CELF4: variants seen among roughly 807,000 people sequenced by gnomAD.
The protein encoded by CELF4 is CUGBP Elav-like family member 4.
A neutral mutation model predicts 59.9 loss-of-function variants in CELF4; 18 were observed. The ratio of observed to expected loss-of-function variants is 0.30; its 90% CI spans 0.21 to 0.45. The LOEUF is 0.45. Among genes scored for constraint, CELF4 ranks in the 20% least tolerant of loss-of-function variants. The pLI, the probability that CELF4 is intolerant of heterozygous loss-of-function variation, is 1.00. For missense variants in CELF4, 456 were observed against 689.0 expected, an observed-to-expected ratio of 0.66 and a Z score of 3.79; for synonymous variants, 261 against 267.1, an observed-to-expected ratio of 0.98 and a Z score of 0.22.
intron 5 of CELF4, 78 bp downstream of exon 5, chr18:37,274,727 C>G (rs1227050229): frequency 7.9e-6 from 12 of 1,522,336 alleles, no homozygotes; most frequent in African/African-American, 1.4e-5. Flanking sequence ...GGAGACTGGA[C>G]AGCCGGCGGG....
chr18:37,260,201 C>A (rs1600726518), intron 10 of CELF4, among the ~76,000 whole-genome samples: 1 of 152,366 alleles, frequency 6.6e-6, no homozygotes, highest in East Asian at 1.9e-4. Flanking sequence ...AGAGTGAATT[C>A]TTTCCCTCTT....
intron 1 of CELF4, among the ~76,000 whole-genome samples, chr18:37,558,565 T>TGGC (rs1555671373): frequency 1.3e-4 from 10 of 77,500 alleles, no homozygotes; most frequent in African/African-American, 5.7e-4. Flanking sequence ...GGGGGGCGGG[T>TGGC]GGGGGGGGCT....
At chr18:37,372,211 G>A (rs1417955671) in intron 2 of CELF4, among the ~76,000 whole-genome samples, 2 of 152,192 alleles carry the variant, frequency 1.3e-5, no homozygotes, top group East Asian at 3.8e-4. Context: ...ATTCACAATA[G>A]CAAAGACTTG....
chr18:37,375,238 A>C (rs2098954281), intron 2 of CELF4, among the ~76,000 whole-genome samples: 1 of 152,210 alleles, frequency 6.6e-6, no homozygotes, highest in African/African-American at 2.4e-5. Flanking sequence ...CTGCCTGGCA[A>C]ACAAATGAAT....
intron 2 of CELF4, among the ~76,000 whole-genome samples, chr18:37,456,458 C>T (rs2099778607): frequency 6.6e-6 from 1 of 152,128 alleles, no homozygotes; most frequent in Non-Finnish European, 1.5e-5. Flanking sequence ...CCTGCCTTGT[C>T]CTGCTCCGTC....
intron 10 of CELF4, among the ~76,000 whole-genome samples, chr18:37,259,782 C>A (rs1047021752): frequency 6.6e-6 from 1 of 152,188 alleles, no homozygotes; most frequent in Non-Finnish European, 1.5e-5. Flanking sequence ...CCCTGGCCTG[C>A]AGCCTCTCTT....
At chr18:37,532,330 G>A (rs192060746) in intron 1 of CELF4, among the ~76,000 whole-genome samples, 5 of 152,194 alleles carry the variant, frequency 3.3e-5, no homozygotes, top group Admixed American at 2.6e-4. Flanking sequence ...GGGGAAATAC[G>A]GCTTTGTACT....
intron 2 of CELF4, among the ~76,000 whole-genome samples, chr18:37,435,789 G>C (rs2099689670): frequency 6.6e-6 from 1 of 152,176 alleles, no homozygotes; most frequent in Admixed American, 6.5e-5. Context: ...GCCCACCCTA[G>C]CGTGTCTTCC....
intron 2 of CELF4, among the ~76,000 whole-genome samples, chr18:37,410,396 C>T (rs2099430446): frequency 6.6e-6 from 1 of 152,228 alleles, no homozygotes; most frequent in Admixed American, 6.5e-5. Flanking sequence ...CTCCTGGGCA[C>T]ATGAAGGTCC....
intron 1 of CELF4, among the ~76,000 whole-genome samples, chr18:37,562,003 C>CT (rs1280919369): frequency 6.6e-6 from 1 of 152,138 alleles, no homozygotes; most frequent in Non-Finnish European, 1.5e-5. Flanking sequence ...TAATTCTGGG[C>CT]TTTTTTCTTC....
chr18:37,287,267 G>T (rs2094884525), intron 3 of CELF4, among the ~76,000 whole-genome samples: 1 of 152,258 alleles, frequency 6.6e-6, no homozygotes, highest in Non-Finnish European at 1.5e-5. Context: ...TCTCCAGGCT[G>T]CTCGTCTCTC....
Position 37,243,350 on chromosome 18 carries a change from T to A in CELF4, c.*1892A>T, listed in dbSNP as rs532016228. 5 of 152,238 alleles carry A rather than the reference T, an allele frequency of 3.3e-5. No homozygotes were observed. The South Asian group carries it at 1.0e-3, about 32-fold the overall frequency. 9.4% of individuals were successfully genotyped at this position (152,238 alleles called of 1,614,324 possible). ...GTTCTTCTAAAGGGAAACTGGTAGG[T>A]CTGAGAACCCCCGGCCTCCAGATGA... On this transcript the variant is annotated 3_prime_UTR_variant, in exon 13 of 13. Coordinates refer to ENST00000420428, the MANE Select transcript of CELF4 (RefSeq NM_020180.4).
At chr18:37,519,990 C>T (rs1388047674) in intron 1 of CELF4, among the ~76,000 whole-genome samples, 2 of 152,088 alleles carry the variant, frequency 1.3e-5, no homozygotes, top group African/African-American at 2.4e-5. Context: ...GAGAAGGTAG[C>T]TGTTGTCACT....
chr18:37,369,252 G>C lies in CELF4; in HGVS notation c.370-47371C>G, dbSNP rs934762744. Reference sequence around the variant, plus strand: ...CAGAACACTGCAGTGTATGGTGGGGGGGTGGGCAGCGGGAGGCTGGGCTCT... The same window carrying C: ...CAGAACACTGCAGTGTATGGTGGGGCGGTGGGCAGCGGGAGGCTGGGCTCT... On this transcript the variant is annotated intron_variant, in intron 2 of 12. Transcript: ENST00000420428. Among the ~76,000 whole-genome samples the C allele has an allele frequency of 9.9e-5, 15 of 152,128 alleles. 1 individual carries two copies. The highest frequency in any genetic ancestry group is 3.6e-4 in the African/African-American group (15 of 41,428).
chr18:37,503,117 G>T (rs1159934701), intron 1 of CELF4, among the ~76,000 whole-genome samples: 1 of 152,178 alleles, frequency 6.6e-6, no homozygotes, highest in Non-Finnish European at 1.5e-5. Flanking sequence ...CTATCTAGGG[G>T]GAGGCAGGGC....
At chr18:37,446,757 C>T (rs1217005425) in intron 2 of CELF4, among the ~76,000 whole-genome samples, 1 of 152,182 alleles carries the variant, frequency 6.6e-6, no homozygotes, top group Non-Finnish European at 1.5e-5. Flanking sequence ...CCCTCACTGT[C>T]AAGCCTGTTT....
At chr18:37,470,638 A>G (rs1276595972) in intron 2 of CELF4, among the ~76,000 whole-genome samples, 1 of 152,102 alleles carries the variant, frequency 6.6e-6, no homozygotes, top group Admixed American at 6.6e-5. Context: ...GACCCTCAGG[A>G]GGGAAACATA....
intron 1 of CELF4, among the ~76,000 whole-genome samples, chr18:37,549,378 A>G (rs2099982438): frequency 6.6e-6 from 1 of 152,126 alleles, no homozygotes; most frequent in Non-Finnish European, 1.5e-5. Context: ...ACAGGGAAAA[A>G]AACTCCTACT....
chr18:37,358,598 C>A lies in CELF4; in HGVS notation c.370-36717G>T. Reference sequence around the variant, plus strand: ...TACCCCCAAGACAAGGCCACCCTGACCTGTTTGTGTTCTCCTGAATTAGTC... The same window carrying A: ...TACCCCCAAGACAAGGCCACCCTGAACTGTTTGTGTTCTCCTGAATTAGTC... On this transcript the variant is annotated intron_variant, in intron 2 of 12. Transcript: ENST00000420428. Among the ~76,000 whole-genome samples the A allele has an allele frequency of 1.3e-5, 2 of 152,194 alleles. 1 individual carries two copies. The highest frequency in any genetic ancestry group is 2.9e-5 in the Non-Finnish European group (2 of 68,040).
Sources: allele counts gnomAD v4.1 joint callset (sites outside exome capture counted in the v4.1 genomes callset), GRCh38; gene constraint gnomAD v4.1.1; transcripts MANE v1.5; gene names NCBI Gene and HGNC (gene_info 2026-07-23, HGNC 2026-07-21).